Variants in PTPDC1 observed in about 807,000 individuals in gnomAD.
PTPDC1 encodes the protein protein tyrosine phosphatase domain-containing protein 1.
PTPDC1 carries 53 observed loss-of-function variants against 75.3 expected under a neutral mutation model. The observed-to-expected ratio is 0.70, with a 90% CI of 0.56 to 0.88. The LOEUF (loss-of-function observed/expected upper bound fraction) is 0.88, where lower values mean the gene tolerates loss of function less well. Among genes scored for constraint, PTPDC1 ranks in the 40% least tolerant of loss-of-function variants. The pLI is 0.00. For missense variants in PTPDC1, 925 were observed against 998.6 expected (o/e 0.93, Z 0.99); for synonymous variants, 349 against 366.2 (o/e 0.95, Z 0.54).
At chr9:94,088,408 CTT>C (rs1827153086) in intron 4 of PTPDC1, 145 bp downstream of exon 4, 1 of 936,378 alleles carries the variant, frequency 1.1e-6, no homozygotes, top group African/African-American at 1.7e-5. Flanking sequence ...CTACCATTCT[CTT>C]TGGTATTGCT....
intron 1 of PTPDC1, among the ~76,000 whole-genome samples, chr9:94,042,878 C>G (rs909536092): frequency 6.6e-6 from 1 of 152,224 alleles, no homozygotes; most frequent in Admixed American, 6.5e-5. Context: ...CCTTTGTTTT[C>G]AGTTCATCAG....
intron 1 of PTPDC1, among the ~76,000 whole-genome samples, chr9:94,046,932 A>G (rs1033409954): frequency 6.6e-6 from 1 of 152,224 alleles, no homozygotes; most frequent in African/African-American, 2.4e-5. Flanking sequence ...CCCGTTTTCA[A>G]AGGGAATGCT....
At chr9:94,093,858 T>G (rs1055074394) in intron 4 of PTPDC1, among the ~76,000 whole-genome samples, 4 of 149,200 alleles carry the variant, frequency 2.7e-5, no homozygotes, top group African/African-American at 1.0e-4. Flanking sequence ...TGATACCCTT[T>G]CTTCCAGTTG....
At chr9:94,041,233 G>A (rs1825419976) in intron 1 of PTPDC1, among the ~76,000 whole-genome samples, 1 of 152,186 alleles carries the variant, frequency 6.6e-6, no homozygotes, top group Non-Finnish European at 1.5e-5. Flanking sequence ...CCACAGGGAA[G>A]GTTTTCTTCT....
At chr9:94,044,059 T>A (rs1047729365) in intron 1 of PTPDC1, among the ~76,000 whole-genome samples, 1 of 152,208 alleles carries the variant, frequency 6.6e-6, no homozygotes, top group African/African-American at 2.4e-5. Context: ...TGTTGTAGCT[T>A]TATATTAAGT....
At position 94,097,908 on chromosome 9, in the gene PTPDC1, A is replaced by G. The variant is rs1275400662; in HGVS notation, c.1342A>G (p.Ser448Gly). Residue 448 changes from serine to glycine, a missense_variant, in exon 6 of 9, where the codon AGT becomes GGT. Coordinates refer to ENST00000620992, the MANE Select transcript of PTPDC1 (RefSeq NM_001253829.2). The stretch of plus-strand genomic sequence containing the variant: ...TCATCTGAAAAGGCGGCTCAGCTAC[A>G]GTGACTCAGATTTAAAGAGGGCCGA... ...LTHLKRRLSYSDSDLKRAENL... is the reference protein window; with the variant it reads ...LTHLKRRLSYGDSDLKRAENL... 1.2e-6 allele frequency: 2 copies of G among 1,614,106 alleles called. No homozygotes were observed. The highest frequency in any genetic ancestry group is 1.7e-6 in the Non-Finnish European group (2 of 1,180,056).
Position 94,084,730 on chromosome 9 carries a change from G to A in PTPDC1, c.200G>A (p.Ser67Asn). Residue 67 changes from serine (S) to asparagine (N), a missense_variant, in exon 1 of 9, where the codon AGC (serine) becomes AAC (asparagine). By Grantham distance (46) the Ser-to-Asn change is conservative. Transcript: ENST00000620992. ...GTGATGGTGGCTGTTTCCTCAGTCA[G>A]CCATGCAGAGGGAAACCCAACTTTC... is the stretch of plus-strand genomic sequence containing the variant. ...LQVMVAVSSV[S>N]HAEGNPTFPE... The A allele has an allele frequency of 6.2e-7, 1 of 1,605,638 alleles. No homozygotes were observed. Among genetic ancestry groups the A allele is most frequent in the Non-Finnish European group, 8.5e-7 (1 of 1,176,976 alleles).
intron 1 of PTPDC1, among the ~76,000 whole-genome samples, chr9:94,056,297 CAT>C (rs1825934363): frequency 1.3e-5 from 2 of 152,268 alleles, no homozygotes; most frequent in African/African-American, 4.8e-5. Context: ...TAGGTTCACT[CAT>C]GTAGTTGGGC....
rs1828080762 is a variant in PTPDC1, at chr9:94,107,963, A to G, written c.*19A>G. 7.0e-7 allele frequency: 1 copy of G among 1,423,124 alleles called. No individual in the cohort carries two copies. The highest frequency in any genetic ancestry group is 9.6e-7 in the Non-Finnish European group (1 of 1,038,436). 88.2% of individuals were successfully genotyped at this position (1,423,124 alleles called of 1,614,324 possible). The stretch of plus-strand genomic sequence containing the variant: ...CCTCTAGCTTTCACTCGTGGTGAAT[A>G]TTTCAGACCTAAAGATCCAGATAGT... On this transcript the variant is annotated 3_prime_UTR_variant, in exon 9 of 9. Transcript: ENST00000620992.
At position 94,097,706 on chromosome 9, in the gene PTPDC1, G is replaced by A. The variant is rs757301660; in HGVS notation, c.1140G>A (p.Glu380=). 9.9e-6 allele frequency: 16 copies of A among 1,614,092 alleles called. No homozygotes were observed. Among genetic ancestry groups the A allele is most frequent in the Admixed American group, 1.7e-5 (1 of 60,004 alleles). The change falls in exon 6 of 9, where the codon GAG becomes GAA. Residue 380 remains glutamate (E), a synonymous_variant. Coordinates refer to ENST00000620992, the MANE Select transcript of PTPDC1 (RefSeq NM_001253829.2). ...CTGAAATAGAAAAGACAATGTCTGA[G>A]ATGGTCACCATGCAGCTGGATAAAG... The part of the protein sequence containing the change: ...LSAEIEKTMS[E]MVTMQLDKEL...
At chr9:94,032,954 C>G (rs1829755380) in intron 1 of PTPDC1, among the ~76,000 whole-genome samples, 1 of 152,122 alleles carries the variant, frequency 6.6e-6, no homozygotes, top group South Asian at 2.1e-4. Flanking sequence ...CTCAACCTGC[C>G]AGGCTCAAGC....
At chr9:94,078,538 A>G (rs977042316) in intron 2 of PTPDC1, among the ~76,000 whole-genome samples, 5 of 152,120 alleles carry the variant, frequency 3.3e-5, no homozygotes, top group Non-Finnish European at 7.4e-5. Context: ...GGGAAGCTTT[A>G]AGCCATTATT....
At chr9:94,060,820 T>A (rs1587857583) in intron 1 of PTPDC1, among the ~76,000 whole-genome samples, 1 of 152,080 alleles carries the variant, frequency 6.6e-6, no homozygotes, top group African/African-American at 2.4e-5. Context: ...TCCAGTTACC[T>A]CCCACCAAGC....
chr9:94,069,651 G>A (rs1294845537), intron 2 of PTPDC1, among the ~76,000 whole-genome samples: 1 of 150,294 alleles, frequency 6.7e-6, no homozygotes, highest in Non-Finnish European at 1.5e-5. Context: ...CTCCCAAGTA[G>A]CTTGGATTAC....
upstream of PTPDC1, among the ~76,000 whole-genome samples, chr9:94,081,815 A>C (rs796188516): frequency 5.3e-5 from 8 of 152,366 alleles, no homozygotes; most frequent in African/African-American, 1.9e-4. Flanking sequence ...ATCTGGAAAC[A>C]ATTACATATA....
At chr9:94,051,328 C>T (rs959822562) in intron 1 of PTPDC1, among the ~76,000 whole-genome samples, 22 of 152,202 alleles carry the variant, frequency 1.4e-4, no homozygotes, top group South Asian at 2.1e-4. Context: ...TAGACTGGAA[C>T]GGTTCCTATT....
At chr9:94,072,437 T>A (rs1233125810) in intron 2 of PTPDC1, among the ~76,000 whole-genome samples, 1 of 152,226 alleles carries the variant, frequency 6.6e-6, no homozygotes, top group African/African-American at 2.4e-5. Context: ...AAGTTTTTGG[T>A]GATTCCTTGG....
intron 2 of PTPDC1, among the ~76,000 whole-genome samples, chr9:94,076,131 G>A (rs569360347): frequency 2.2e-4 from 33 of 152,250 alleles, no homozygotes; most frequent in Admixed American, 1.4e-3. Context: ...CTCTCAAGTA[G>A]CTGGGATTAC....
At chr9:94,072,375 G>A (rs1587870678) in intron 2 of PTPDC1, among the ~76,000 whole-genome samples, 1 of 152,064 alleles carries the variant, frequency 6.6e-6, no homozygotes, top group Non-Finnish European at 1.5e-5. Flanking sequence ...ATTGATTTTT[G>A]TATGTTGATT....
Sources: allele counts gnomAD v4.1 joint callset (sites outside exome capture counted in the v4.1 genomes callset), GRCh38; gene constraint gnomAD v4.1.1; transcripts MANE v1.5; gene names NCBI Gene and HGNC (gene_info 2026-07-23, HGNC 2026-07-21).